Variants in VPS13A observed in about 807,000 individuals in gnomAD.
VPS13A encodes the protein intermembrane lipid transfer protein VPS13A.
Under a neutral mutation model 390.9 loss-of-function variants are expected in VPS13A, and 264 were observed. The observed-to-expected ratio is 0.68, with a 90% confidence interval of 0.61 to 0.75. The LOEUF is 0.75. Among genes scored for constraint, VPS13A ranks in the 30% least tolerant of loss-of-function variants. The pLI is 0.00. For synonymous variants in VPS13A, 1,231 were observed against 1,227.1 expected (o/e 1.00, Z -0.07); for missense variants, 3,409 against 3,733.9 (o/e 0.91, Z 2.27).
At position 77,256,142 on chromosome 9, in the gene VPS13A, C is replaced by T. The variant is rs186367408; in HGVS notation, c.2288+3790C>T. 1.4e-4 allele frequency among the ~76,000 whole-genome samples: 22 copies of T among 151,942 alleles called. No homozygotes were observed. In the South Asian group the frequency reaches 2.5e-3, roughly 17 times the overall value. The stretch of plus-strand genomic sequence containing the variant: ...TGTAGGTGTTTACAGCTATAAAGTC[C>T]GCTTTTGGCAGACTTTTGCTGCATC... On this transcript the variant is annotated intron_variant, in intron 22 of 71. Coordinates refer to ENST00000360280, the MANE Select transcript of VPS13A (RefSeq NM_033305.3).
At position 77,353,647 on chromosome 9, in the gene VPS13A, A is replaced by G; in HGVS notation, c.7652+6A>G. 1.2e-6 allele frequency: 2 copies of G among 1,606,900 alleles called. No individual in the cohort carries two copies. The highest frequency in any genetic ancestry group is 8.5e-7 in the Non-Finnish European group (1 of 1,173,976). On this transcript the variant is annotated splice_donor_region_variant and intron_variant, in intron 54 of 71. Coordinates refer to ENST00000360280, the MANE Select transcript of VPS13A (RefSeq NM_033305.3). ...GCCTATATAGGCATTACAAGGTTAG[A>G]TGCATTAAATTTTGGATACATTTAA...
At chr9:77,360,932 TTAA>T (rs1447841252) in intron 59 of VPS13A, among the ~76,000 whole-genome samples, 1 of 152,078 alleles carries the variant, frequency 6.6e-6, no homozygotes, top group African/African-American at 2.4e-5. Context: ...TGCTTTCACT[TTAA>T]TAATTTAGAA....
intron 71 of VPS13A, among the ~76,000 whole-genome samples, chr9:77,415,021 C>T (rs1417432085): frequency 6.6e-6 from 1 of 152,146 alleles, no homozygotes; most frequent in African/African-American, 2.4e-5. Context: ...TAAGGCGACA[C>T]TGACACACTA....
chr9:77,180,968 T>C (rs1417317552), intron 1 of VPS13A, among the ~76,000 whole-genome samples: 1 of 152,182 alleles, frequency 6.6e-6, no homozygotes, highest in East Asian at 1.9e-4. Context: ...GAAGATTGCT[T>C]GAGCATAGGA....
chr9:77,198,465 G>T (rs1825129163), intron 1 of VPS13A, among the ~76,000 whole-genome samples: 1 of 152,062 alleles, frequency 6.6e-6, no homozygotes, highest in Admixed American at 6.6e-5. Flanking sequence ...TCCACTTGTG[G>T]TATTATGTCT....
At chr9:77,390,720 C>A (rs1311910787) in intron 68 of VPS13A, among the ~76,000 whole-genome samples, 1 of 145,438 alleles carries the variant, frequency 6.9e-6, no homozygotes, top group Non-Finnish European at 1.5e-5. Context: ...ACTCTCTCGC[C>A]CAAGCTGGAA....
At chr9:77,227,128 A>G (rs1028962362) in intron 15 of VPS13A, among the ~76,000 whole-genome samples, 5 of 152,142 alleles carry the variant, frequency 3.3e-5, no homozygotes, top group Admixed American at 6.5e-5. Flanking sequence ...GCACAGTGCT[A>G]TTGTCTAATA....
intron 51 of VPS13A, 50 bp downstream of exon 51, chr9:77,344,331 A>G (rs1315129747): frequency 1.9e-6 from 3 of 1,573,060 alleles, no homozygotes; most frequent in Non-Finnish European, 8.7e-7. Context: ...GCTAAAATAT[A>G]CTGACTAGTA....
rs1398896420 is a variant in VPS13A, at chr9:77,221,108, G to A, written c.990-77G>A. The A allele has an allele frequency of 3.7e-6, 5 of 1,365,002 alleles. No homozygotes were observed. The African/African-American group carries it at 7.2e-5, about 20-fold the overall frequency. The allele number at this position is 1,365,002 out of a possible 1,614,324, so 84.6% of individuals were successfully genotyped here. Reference sequence around the variant, plus strand: ...TCTTTGTATTATAGTTATGTATGTTGTTAGAGTAGAAGCAATGTCAGTAAT... The same window carrying A: ...TCTTTGTATTATAGTTATGTATGTTATTAGAGTAGAAGCAATGTCAGTAAT... On this transcript the variant is annotated intron_variant, in intron 12 of 71. Transcript: ENST00000360280.
At chr9:77,203,427 A>G (rs1825446016) in intron 3 of VPS13A, among the ~76,000 whole-genome samples, 1 of 152,106 alleles carries the variant, frequency 6.6e-6, no homozygotes, top group East Asian at 1.9e-4. Context: ...AGCTGGGACT[A>G]CAGGTGTACG....
chr9:77,191,218 C>G (rs1266774495), intron 1 of VPS13A, among the ~76,000 whole-genome samples: 1 of 151,846 alleles, frequency 6.6e-6, no homozygotes, highest in Non-Finnish European at 1.5e-5. Flanking sequence ...TAGCTATGTC[C>G]CAGAGATTCT....
chr9:77,254,230 ACT>A (rs937735477), intron 22 of VPS13A, among the ~76,000 whole-genome samples: 6 of 152,160 alleles, frequency 3.9e-5, no homozygotes, highest in African/African-American at 9.7e-5. Flanking sequence ...GGCGTGAGCC[ACT>A]GCTCCCGGCC....
At chr9:77,375,111 G>A (rs1208151534) in intron 67 of VPS13A, among the ~76,000 whole-genome samples, 2 of 152,132 alleles carry the variant, frequency 1.3e-5, no homozygotes, top group Non-Finnish European at 2.9e-5. Context: ...TCAATGAAAC[G>A]TAAGGAATTT....
intron 17 of VPS13A, among the ~76,000 whole-genome samples, chr9:77,232,503 A>G (rs928811629): frequency 6.6e-6 from 1 of 152,162 alleles, no homozygotes; most frequent in Non-Finnish European, 1.5e-5. Flanking sequence ...AGAATTCACT[A>G]GTGAAGCCAT....
At chr9:77,410,579 A>AAAT (rs1321376735) in intron 71 of VPS13A, among the ~76,000 whole-genome samples, 3 of 152,244 alleles carry the variant, frequency 2.0e-5, no homozygotes, top group Non-Finnish European at 4.4e-5. Context: ...CATAGGCTCA[A>AAAT]AATAAAGGGA....
chr9:77,343,650 C>A (rs1248089472), intron 50 of VPS13A, among the ~76,000 whole-genome samples: 1 of 152,202 alleles, frequency 6.6e-6, no homozygotes, highest in African/African-American at 2.4e-5. Context: ...GAGCTTCTTT[C>A]CTACTCTGAA....
At chr9:77,309,947 A>G (rs925323757) in intron 35 of VPS13A, among the ~76,000 whole-genome samples, 2 of 151,872 alleles carry the variant, frequency 1.3e-5, no homozygotes, top group East Asian at 3.9e-4. Context: ...GTTGTTTTTT[A>G]TTTATCATCA....
At chr9:77,260,370 T>C in intron 23 of VPS13A, 146 bp downstream of exon 23, 1 of 872,786 alleles carries the variant, frequency 1.1e-6, no homozygotes, top group Admixed American at 3.0e-5. Context: ...TTTTTTTTTT[T>C]TTTTGAGATG....
intron 34 of VPS13A, among the ~76,000 whole-genome samples, chr9:77,303,502 C>CA (rs1828503867): frequency 6.6e-6 from 1 of 152,126 alleles, no homozygotes; most frequent in African/African-American, 2.4e-5. Context: ...AAATAAGACA[C>CA]AGAGACAAAG....
Sources: allele counts gnomAD v4.1 joint callset (sites outside exome capture counted in the v4.1 genomes callset), GRCh38; gene constraint gnomAD v4.1.1; transcripts MANE v1.5; gene names NCBI Gene and HGNC (gene_info 2026-07-23, HGNC 2026-07-21).